MYO10: variants seen among roughly 807,000 people sequenced by gnomAD.
MYO10 encodes the protein unconventional myosin-X.
MYO10 carries 133 observed loss-of-function variants against 257.3 expected under a neutral mutation model. That is an observed-to-expected ratio of 0.52 (90% CI 0.45 to 0.60). MYO10 has a LOEUF of 0.60. MYO10 is among the 20% of genes least tolerant of loss of function. MYO10 has a pLI of 0.00. For missense variants in MYO10, 2,399 were observed against 2,635.7 expected (o/e 0.91, Z 1.97); for synonymous variants, 1,104 against 1,028.6 (o/e 1.07, Z -1.40).
intron 38 of MYO10, 82 bp downstream of exon 38, chr5:16,671,340 C>T (rs1202135365): frequency 1.0e-5 from 15 of 1,502,878 alleles, no homozygotes; most frequent in Non-Finnish European, 1.3e-5. Flanking sequence ...TTCTAAGTAC[C>T]AGTTAACTTA....
At chr5:16,746,514 A>T (rs1196624119) in intron 19 of MYO10, among the ~76,000 whole-genome samples, 1 of 152,160 alleles carries the variant, frequency 6.6e-6, no homozygotes, top group Non-Finnish European at 1.5e-5. Context: ...ATGTGAGTGA[A>T]TTTCATCATA....
intron 10 of MYO10, among the ~76,000 whole-genome samples, chr5:16,768,664 CTTTTTTTTTTT>C (rs34950225): frequency 1.3e-4 from 9 of 70,140 alleles, no homozygotes; most frequent in African/African-American, 3.3e-4. Context: ...TTTCTCTTTT[CTTTTTTTTTTT>C]TTTTTTTTTT....
rs190972336 is a variant in MYO10, at chr5:16,693,223, G to A, written c.3800+1148C>T. ...GTTGAGGCTGCAGTGAGCCGAGATC[G>A]TGTCACTGCACTCCAGCCTGGGCAA... On this transcript the variant is annotated intron_variant, in intron 27 of 40. Transcript: ENST00000513610. Among the ~76,000 whole-genome samples the A allele has an allele frequency of 1.8e-3, 267 of 152,244 alleles. 2 individuals are homozygous for A. The highest frequency in any genetic ancestry group is 6.1e-3 in the African/African-American group (253 of 41,550).
Position 16,704,571 on chromosome 5 carries a change from GT to G in MYO10, c.2276+7del. On this transcript the variant is annotated splice_region_variant and intron_variant, in intron 22 of 40. Transcript: ENST00000513610. Reference sequence around the variant, plus strand: ...TCCTGCCTTATCCCCTCAGCGTGGGGTTCTTACCGTGCTAAGAAGCCCAAGA... The same window carrying G: ...TCCTGCCTTATCCCCTCAGCGTGGGGTCTTACCGTGCTAAGAAGCCCAAGA... 4 of 1,609,814 alleles carry G rather than the reference GT, an allele frequency of 2.5e-6. No individual in the cohort carries two copies. Among genetic ancestry groups the G allele is most frequent in the Non-Finnish European group, 3.4e-6 (4 of 1,176,328 alleles).
At chr5:16,731,044 CTTTTT>C (rs907400094) in intron 19 of MYO10, among the ~76,000 whole-genome samples, 5 of 136,954 alleles carry the variant, frequency 3.7e-5, no homozygotes, top group African/African-American at 1.4e-4. Flanking sequence ...TCAAAACACA[CTTTTT>C]TTTTTTTTTT....
chr5:16,767,644 T>G (rs1740912200), intron 10 of MYO10, among the ~76,000 whole-genome samples: 1 of 152,260 alleles, frequency 6.6e-6, no homozygotes, highest in Non-Finnish European at 1.5e-5. Flanking sequence ...ATAAAGAATA[T>G]TTTTTAAACA....
intron 33 of MYO10, 132 bp from the exon 34 acceptor site, chr5:16,676,286 T>C: frequency 2.0e-6 from 2 of 998,372 alleles, no homozygotes; most frequent in Non-Finnish European, 2.9e-6. Context: ...GGTGGTTTCA[T>C]GGACGAAGAT....
chr5:16,675,003 T>C lies in MYO10; in HGVS notation c.4814A>G (p.Glu1605Gly), dbSNP rs1214491676. 1.2e-6 allele frequency: 2 copies of C among 1,613,870 alleles called. No homozygotes were observed. The highest frequency in any genetic ancestry group is 1.7e-6 in the Non-Finnish European group (2 of 1,179,908). ...TGHDLRPLRDELYCQLIKQTN... is the reference protein window; with the variant it reads ...TGHDLRPLRDGLYCQLIKQTN... ...CTGTTTGATAAGCTGGCAGTACAGC[T>C]CGTCCCGCAGAGGTCGCAGGTCATG... is the stretch of plus-strand genomic sequence containing the variant. The change falls in exon 35 of 41, where the codon GAG becomes GGG. Residue 1605 changes from glutamate (E) to glycine (G), a missense_variant. Glu to Gly is a moderately conservative substitution (Grantham distance 98, BLOSUM62 -2). Around this residue, in one of 3 missense-constraint regions of MYO10, gnomAD observed 1,820 missense variants for 1,939.4 expected, o/e 0.94. Transcript: ENST00000513610.
intron 2 of MYO10, among the ~76,000 whole-genome samples, chr5:16,867,058 G>A (rs752494956): frequency 3.9e-5 from 6 of 152,336 alleles, no homozygotes; most frequent in East Asian, 1.9e-4. Flanking sequence ...CTGCGCACCC[G>A]GGCAGCTGCC....
At chr5:16,911,392 C>T (rs1019198495) in intron 1 of MYO10, among the ~76,000 whole-genome samples, 3 of 152,150 alleles carry the variant, frequency 2.0e-5, no homozygotes, top group South Asian at 2.1e-4. Flanking sequence ...CAGCCAAGGA[C>T]GGCTTTGAAT....
intron 1 of MYO10, among the ~76,000 whole-genome samples, chr5:16,935,275 G>A (rs1746402410): frequency 6.6e-6 from 1 of 152,158 alleles, no homozygotes; most frequent in Non-Finnish European, 1.5e-5. Context: ...GGCGAGCAAA[G>A]TAACCGATTA....
chr5:16,740,841 G>A (rs1278961624), intron 19 of MYO10, among the ~76,000 whole-genome samples: 1 of 151,744 alleles, frequency 6.6e-6, no homozygotes, highest in African/African-American at 2.4e-5. Flanking sequence ...TTCTTATGAG[G>A]GTAATAAGTG....
At chr5:16,681,834 CTG>C in intron 31 of MYO10, 35 bp downstream of exon 31, 1 of 1,605,964 alleles carries the variant, frequency 6.2e-7, no homozygotes, top group Non-Finnish European at 8.5e-7. Flanking sequence ...AAAGGGGAGT[CTG>C]TTAAGCAGAC....
intron 2 of MYO10, among the ~76,000 whole-genome samples, chr5:16,836,714 T>C (rs1743323010): frequency 6.6e-6 from 1 of 152,204 alleles, no homozygotes; most frequent in South Asian, 2.1e-4. Context: ...ATTTATGCCT[T>C]TTAAATATAT....
intron 2 of MYO10, among the ~76,000 whole-genome samples, chr5:16,855,512 AT>A (rs972077608): frequency 6.6e-6 from 1 of 152,250 alleles, no homozygotes; most frequent in African/African-American, 2.4e-5. Flanking sequence ...TCAGAAAAAA[AT>A]AAATGCTAAA....
chr5:16,853,358 A>G (rs1743867318), intron 2 of MYO10, among the ~76,000 whole-genome samples: 2 of 150,748 alleles, frequency 1.3e-5, no homozygotes, highest in Non-Finnish European at 3.0e-5. Flanking sequence ...TGGGCGACAG[A>G]GTGAGACTCC....
chr5:16,695,861 C>G (rs985141547), intron 26 of MYO10, among the ~76,000 whole-genome samples: 4 of 152,316 alleles, frequency 2.6e-5, no homozygotes, highest in African/African-American at 9.6e-5. Context: ...AGACTCCTCT[C>G]CCTCCTTTTG....
chr5:16,927,449 C>G (rs977943525), intron 1 of MYO10, among the ~76,000 whole-genome samples: 3 of 152,090 alleles, frequency 2.0e-5, no homozygotes, highest in Non-Finnish European at 4.4e-5. Context: ...CTCATCCTCC[C>G]GAGTAGCTGG....
chr5:16,708,507 T>C (rs973974296), intron 21 of MYO10, among the ~76,000 whole-genome samples: 1 of 152,192 alleles, frequency 6.6e-6, no homozygotes, highest in Non-Finnish European at 1.5e-5. Flanking sequence ...GTTTTAATGA[T>C]CTCTAATGTT....
Sources: gnomAD v4.1 joint callset for allele counts (sites outside exome capture counted in the v4.1 genomes callset) on GRCh38, gnomAD v4.1.1 for gene constraint, gnomAD v4.1.1 regional missense constraint, MANE v1.5 for transcripts, NCBI Gene and HGNC (gene_info 2026-07-23, HGNC 2026-07-21) for gene names.